NPS: variants seen among roughly 807,000 people sequenced by gnomAD.
NPS encodes prepro-neuropeptide S.
In NPS, 6 loss-of-function variants were observed where a neutral mutation model predicts 7.2. The ratio of observed to expected loss-of-function variants is 0.83; its 90% CI spans 0.46 to 1.64. NPS has a LOEUF of 1.64. Ranked by LOEUF, NPS falls within the 40% of genes most tolerant of loss-of-function variation. The probability of loss-of-function intolerance (pLI) is 0.01; values close to 1 mark genes in which losing one functional copy is unlikely to be tolerated. For missense variants in NPS, 123 were observed against 97.8 expected (o/e 1.26, Z -1.09); for synonymous variants, 42 against 36.7 (o/e 1.14, Z -0.52).
At chr10:127,551,282 G>A (rs1844856782) in intron 2 of NPS, among the ~76,000 whole-genome samples, 1 of 151,734 alleles carries the variant, frequency 6.6e-6, no homozygotes, top group Non-Finnish European at 1.5e-5. Flanking sequence ...TTTCCCCAGA[G>A]GCCAGTGGGA....
rs377697665 is a variant in NPS, at chr10:127,549,549, T to A, written c.69T>A (p.Cys23Ter). Residue 23 changes from cysteine to a stop codon, truncating the protein, a stop_gained, in exon 2 of 3, where the codon TGT (cysteine) becomes TGA (stop). Coordinates refer to ENST00000398023, the MANE Select transcript of NPS (RefSeq NM_001030013.2). LOFTEE classifies it low-confidence loss of function (END_TRUNC). ...TGTCCACAATGCATGTGTTTTGGTG[T>A]TATCCAGTTCCATCTTCTAAGGTAA... Reference protein sequence around the residue: ...LSLSTMHVFWCYPVPSSKVSG... With the variant: ...LSLSTMHVFW 6.2e-7 allele frequency: 1 copy of A among 1,607,324 alleles called. No homozygotes were observed. Among genetic ancestry groups the A allele is most frequent in the Non-Finnish European group, 8.5e-7 (1 of 1,173,960 alleles).
At chr10:127,551,818 C>T (rs1844861564) in intron 2 of NPS, among the ~76,000 whole-genome samples, 1 of 152,194 alleles carries the variant, frequency 6.6e-6, no homozygotes. Flanking sequence ...GGGCATGCAC[C>T]TTTGGTCTTG....
intron 2 of NPS, among the ~76,000 whole-genome samples, chr10:127,551,338 G>A (rs756995708): frequency 7.2e-5 from 11 of 152,004 alleles, no homozygotes; most frequent in African/African-American, 2.4e-4. Context: ...CCACCCACGC[G>A]TGGGTGAAGA....
rs559313773 is a variant in NPS at position 127,549,422 on chromosome 10, A to G, written c.8+46A>G. The G allele has an allele frequency of 5.8e-5, 92 of 1,596,800 alleles. No individual in the cohort carries two copies. In the South Asian group the frequency reaches 9.0e-4, roughly 16 times the overall value. On this transcript the variant is annotated intron_variant, in intron 1 of 2. Transcript: ENST00000398023. ...GCAAAGAAAAATGTTGCATTTTCAT[A>G]TGCTGTTTTACTTATTCTTGCCTAC...
rs1009358022 is a variant in NPS, at chr10:127,553,202, C to G, written c.*563C>G. ...TCCCTGGAGCACTCTAGATGTAATT[C>G]TTGTCTCCCTTTTCCTATTCCAAAT... is the stretch of plus-strand genomic sequence containing the variant. On this transcript the variant is annotated 3_prime_UTR_variant, in exon 3 of 3. Transcript: ENST00000398023. Among the ~76,000 whole-genome samples, 2 of 152,130 alleles carry G rather than the reference C, an allele frequency of 1.3e-5. No individual in the cohort carries two copies. Among genetic ancestry groups the G allele is most frequent in the African/African-American group, 2.4e-5 (1 of 41,410 alleles).
rs1379806181 is a variant in NPS at position 127,551,959 on chromosome 10, G to A, written c.91-501G>A. 3.9e-5 allele frequency among the ~76,000 whole-genome samples: 6 copies of A among 152,122 alleles called. No individual in the cohort carries two copies. In the East Asian group the frequency reaches 9.6e-4, roughly 24 times the overall value. ...ACACTCTCCTACATTATCCAGCCTCGAGCCAGTGATGAGGACCTGAACTAA... is the reference window on the plus strand; with the variant it reads ...ACACTCTCCTACATTATCCAGCCTCAAGCCAGTGATGAGGACCTGAACTAA... On this transcript the variant is annotated intron_variant, in intron 2 of 2. Coordinates refer to ENST00000398023, the MANE Select transcript of NPS (RefSeq NM_001030013.2).
chr10:127,551,735 C>T (rs1344791788), intron 2 of NPS, among the ~76,000 whole-genome samples: 2 of 152,152 alleles, frequency 1.3e-5, no homozygotes, highest in Non-Finnish European at 2.9e-5. Context: ...AGGGAAAACA[C>T]AACAAGTGTT....
Position 127,553,499 on chromosome 10 carries a change from G to C in NPS, c.*860G>C, listed in dbSNP as rs767173121. Among the ~76,000 whole-genome samples, 2 of 152,108 alleles carry C rather than the reference G, an allele frequency of 1.3e-5. No homozygotes were observed. The highest frequency in any genetic ancestry group is 6.5e-5 in the Admixed American group (1 of 15,276). ...AAAGGATAATGCGACATTGGTTGAC[G>C]TGTTATTTCAAATGCATAATGTTAA... On this transcript the variant is annotated 3_prime_UTR_variant, in exon 3 of 3. Transcript: ENST00000398023.
intron 2 of NPS, among the ~76,000 whole-genome samples, chr10:127,551,489 G>A (rs1166850342): frequency 2.0e-5 from 3 of 152,064 alleles, no homozygotes; most frequent in East Asian, 1.9e-4. Context: ...GATAATAAAA[G>A]CACTCAGTTT....
rs1354591455 is a variant in NPS at position 127,552,843 on chromosome 10, G to T, written c.*204G>T. 6.6e-6 allele frequency among the ~76,000 whole-genome samples: 1 copy of T among 152,112 alleles called. No individual in the cohort carries two copies. The highest frequency in any genetic ancestry group is 2.4e-5 in the African/African-American group (1 of 41,416). Reference sequence around the variant, plus strand: ...AAACCTGTCTCAAACTTCCACTTGTGAGAGAAAAAACAATTTATGTGGTCC... The same window carrying T: ...AAACCTGTCTCAAACTTCCACTTGTTAGAGAAAAAACAATTTATGTGGTCC... On this transcript the variant is annotated 3_prime_UTR_variant, in exon 3 of 3. Transcript: ENST00000398023.
In NPS at chr10:127,549,391, T is replaced by C. The variant is rs369893919; in HGVS notation, c.8+15T>C. 18 of 1,608,762 alleles carry C rather than the reference T, an allele frequency of 1.1e-5. No homozygotes were observed. Among genetic ancestry groups the C allele is most frequent in the Non-Finnish European group, 1.5e-5 (18 of 1,175,576 alleles). ...AAAATGATTAGGTAAAAGGCTACGT[T>C]TTTCTGCAAAGAAAAATGTTGCATT... On this transcript the variant is annotated intron_variant, in intron 1 of 2. Coordinates refer to ENST00000398023, the MANE Select transcript of NPS (RefSeq NM_001030013.2).
At chr10:127,552,371 G>A (rs535574100) in intron 2 of NPS, 89 bp from the exon 3 acceptor site, 34 of 724,094 alleles carry the variant, frequency 4.7e-5, no homozygotes, top group Middle Eastern at 3.3e-4. Flanking sequence ...TGGATTTATC[G>A]CCATACGATT....
intron 2 of NPS, 98 bp from the exon 3 acceptor site, chr10:127,552,362 G>T: frequency 1.4e-6 from 1 of 698,582 alleles, no homozygotes. Context: ...TTGATATATT[G>T]GATTTATCGC....
At position 127,552,762 on chromosome 10, in the gene NPS, C is replaced by T; in HGVS notation, c.*123C>T. 1.5e-6 allele frequency: 1 copy of T among 680,474 alleles called. No homozygotes were observed. The highest frequency in any genetic ancestry group is 2.6e-6 in the Non-Finnish European group (1 of 390,558). 42.2% of individuals were successfully genotyped at this position (680,474 alleles called of 1,614,324 possible). On this transcript the variant is annotated 3_prime_UTR_variant, in exon 3 of 3. Transcript: ENST00000398023. ...CTCTATTCTCAAATATCTTTCCTCT[C>T]CTGACTGGTACAGAGTAAATTGAGT...
intron 2 of NPS, among the ~76,000 whole-genome samples, chr10:127,551,194 G>A (rs1844855505): frequency 6.6e-6 from 1 of 151,992 alleles, no homozygotes; most frequent in African/African-American, 2.4e-5. Context: ...TGTTTGATTG[G>A]TTTTCTCATG....
In NPS at chr10:127,551,753, C is replaced by T. The variant is rs115031485; in HGVS notation, c.91-707C>T. On this transcript the variant is annotated intron_variant, in intron 2 of 2. Transcript: ENST00000398023. ...GAAAACACAACAAGTGTTGATGATT[C>T]GTACCCAAGCCCTGGGTCAGAGCTG... Among the ~76,000 whole-genome samples the T allele has an allele frequency of 6.6e-3, 999 of 152,272 alleles. 11 individuals are homozygous for T. The highest frequency in any genetic ancestry group is 0.023 in the African/African-American group (936 of 41,546).
intron 2 of NPS, among the ~76,000 whole-genome samples, 183 bp from the exon 3 acceptor site, chr10:127,552,277 G>T (rs1272157205): frequency 6.6e-6 from 1 of 152,202 alleles, no homozygotes; most frequent in East Asian, 1.9e-4. Context: ...CAAGTGGGTA[G>T]ATCACCCCAA....
At chr10:127,552,410 T>C (rs760223718) in intron 2 of NPS, 50 bp from the exon 3 acceptor site, 2 of 1,039,996 alleles carry the variant, frequency 1.9e-6, no homozygotes, top group Non-Finnish European at 2.9e-6. Flanking sequence ...GAAATATACT[T>C]TTAACCCTAA....
rs1844872702 is a variant in NPS at position 127,552,986 on chromosome 10, T to C, written c.*347T>C. Reference sequence around the variant, plus strand: ...ATGATTTTTTTTTTCCTGCCTGTAATATCATAACACGAATACTGTGATATT... The same window carrying C: ...ATGATTTTTTTTTTCCTGCCTGTAACATCATAACACGAATACTGTGATATT... On this transcript the variant is annotated 3_prime_UTR_variant, in exon 3 of 3. Coordinates refer to ENST00000398023, the MANE Select transcript of NPS (RefSeq NM_001030013.2). Among the ~76,000 whole-genome samples, 1 of 152,086 alleles carries C rather than the reference T, an allele frequency of 6.6e-6. No individual in the cohort carries two copies. Among genetic ancestry groups the C allele is most frequent in the East Asian group, 1.9e-4 (1 of 5,190 alleles).
Sources: allele counts gnomAD v4.1 joint callset (sites outside exome capture counted in the v4.1 genomes callset), GRCh38; gene constraint gnomAD v4.1.1; transcripts MANE v1.5; gene names NCBI Gene and HGNC (gene_info 2026-07-23, HGNC 2026-07-21).